XPR1: variants seen among roughly 807,000 people sequenced by gnomAD.
XPR1 encodes xenotropic and polytropic retrovirus receptor 1, also known as solute carrier family 53 member 1.
A neutral mutation model predicts 87.5 loss-of-function variants in XPR1; 28 were observed. That is an observed-to-expected ratio of 0.32 (90% CI 0.24 to 0.44). The LOEUF (loss-of-function observed/expected upper bound fraction) is 0.44. Ranked by LOEUF, XPR1 falls within the 20% of genes least tolerant of loss-of-function variation. The probability of loss-of-function intolerance (pLI) is 1.00; values close to 1 mark genes in which losing one functional copy is unlikely to be tolerated. For synonymous variants in XPR1, 300 were observed against 306.1 expected (o/e 0.98, Z 0.21); for missense variants, 559 against 862.3 (o/e 0.65, Z 4.41).
chr1:180,781,071 A>G (rs1413265407), intron 2 of XPR1, among the ~76,000 whole-genome samples: 1 of 151,836 alleles, frequency 6.6e-6, no homozygotes, highest in Non-Finnish European at 1.5e-5. Context: ...TAGCTCTTAC[A>G]TTTAGGTCTT....
chr1:180,731,622 A>G (rs1452215261), intron 2 of XPR1, among the ~76,000 whole-genome samples: 1 of 152,220 alleles, frequency 6.6e-6, no homozygotes, highest in Non-Finnish European at 1.5e-5. Context: ...CTGTGGGAGT[A>G]TTGGGCTGGT....
chr1:180,840,691 T>G (rs965407965), intron 11 of XPR1, among the ~76,000 whole-genome samples: 1 of 150,630 alleles, frequency 6.6e-6, no homozygotes, highest in Non-Finnish European at 1.5e-5. Context: ...ATCATATTGC[T>G]AAAATAAAAA....
At chr1:180,791,380 T>G (rs1350738374) in intron 3 of XPR1, among the ~76,000 whole-genome samples, 2 of 152,192 alleles carry the variant, frequency 1.3e-5, no homozygotes, top group African/African-American at 4.8e-5. Flanking sequence ...CAAGTGATCC[T>G]CCTGCCTCAG....
intron 9 of XPR1, among the ~76,000 whole-genome samples, chr1:180,834,285 G>A (rs1308861119): frequency 6.6e-6 from 1 of 152,010 alleles, no homozygotes; most frequent in Non-Finnish European, 1.5e-5. Context: ...TCACCATGTT[G>A]GCCAGGCTGG....
intron 3 of XPR1, among the ~76,000 whole-genome samples, chr1:180,797,269 TAAAC>T (rs1230188846): frequency 6.6e-6 from 1 of 152,196 alleles, no homozygotes; most frequent in Non-Finnish European, 1.5e-5. Context: ...GAAGCAAACA[TAAAC>T]AAAGAATTAT....
chr1:180,742,473 C>A (rs1032374883), intron 2 of XPR1, among the ~76,000 whole-genome samples: 12 of 152,120 alleles, frequency 7.9e-5, no homozygotes, highest in African/African-American at 2.9e-4. Context: ...AATTTTGTTA[C>A]AGTTTAGGAG....
chr1:180,739,129 GTCTC>G (rs1282260573), intron 2 of XPR1, among the ~76,000 whole-genome samples: 1 of 152,156 alleles, frequency 6.6e-6, no homozygotes, highest in Non-Finnish European at 1.5e-5. Context: ...TTAAAAAAGA[GTCTC>G]TCTCCCTTCT....
At chr1:180,827,616 A>G (rs1292614919) in intron 9 of XPR1, among the ~76,000 whole-genome samples, 1 of 152,198 alleles carries the variant, frequency 6.6e-6, no homozygotes, top group Non-Finnish European at 1.5e-5. Context: ...ACTGAAATAT[A>G]GAAGGAATAA....
chr1:180,805,835 G>T (rs1027075050), intron 4 of XPR1, among the ~76,000 whole-genome samples: 7 of 152,174 alleles, frequency 4.6e-5, no homozygotes, highest in African/African-American at 1.7e-4. Context: ...AGGGTTCATA[G>T]TTCAGGGTTT....
At chr1:180,683,649 A>T (rs1656664803) in intron 2 of XPR1, among the ~76,000 whole-genome samples, 1 of 151,958 alleles carries the variant, frequency 6.6e-6, no homozygotes, top group Non-Finnish European at 1.5e-5. Context: ...CTTTTTAATG[A>T]TCATCATTCT....
chr1:180,714,630 C>T (rs1461660849), intron 2 of XPR1, among the ~76,000 whole-genome samples: 1 of 152,120 alleles, frequency 6.6e-6, no homozygotes, highest in Non-Finnish European at 1.5e-5. Flanking sequence ...GTCTTGAACT[C>T]CTGGGCTCAA....
At chr1:180,649,842 G>A (rs896295578) in intron 1 of XPR1, among the ~76,000 whole-genome samples, 2 of 152,104 alleles carry the variant, frequency 1.3e-5, no homozygotes, top group Non-Finnish European at 1.5e-5. Context: ...GGTAGAGGTG[G>A]GAGTTGAGTG....
At chr1:180,854,315 T>C (rs1651966208) in intron 11 of XPR1, among the ~76,000 whole-genome samples, 2 of 152,260 alleles carry the variant, frequency 1.3e-5, no homozygotes, top group Admixed American at 6.5e-5. Context: ...TTGGAATTTA[T>C]CCCCAGTGGG....
At position 180,680,550 on chromosome 1, in the gene XPR1, A is replaced by G. The variant is rs529125524; in HGVS notation, c.70-1810A>G. Among the ~76,000 whole-genome samples the G allele has an allele frequency of 9.3e-4, 142 of 152,054 alleles. 1 individual carries two copies. Among genetic ancestry groups the G allele is most frequent in the African/African-American group, 3.3e-3 (138 of 41,492 alleles). The stretch of plus-strand genomic sequence containing the variant: ...CAGCTAATTTTTGTATTTTTAGTAG[A>G]GACGGGGTTTCACCATGTTGGCCAG... On this transcript the variant is annotated intron_variant, in intron 1 of 14. Coordinates refer to ENST00000367590, the MANE Select transcript of XPR1 (RefSeq NM_004736.4).
chr1:180,881,807 A>G (rs1652860343), intron 14 of XPR1, among the ~76,000 whole-genome samples: 1 of 152,208 alleles, frequency 6.6e-6, no homozygotes, highest in Non-Finnish European at 1.5e-5. Context: ...AGAGCAGGGA[A>G]CTGAGTCTTA....
chr1:180,795,488 AAT>A (rs1244337342), intron 3 of XPR1, among the ~76,000 whole-genome samples: 1 of 152,202 alleles, frequency 6.6e-6, no homozygotes, highest in African/African-American at 2.4e-5. Context: ...TTATTGGCAA[AAT>A]AGTCTGTTTT....
At chr1:180,652,434 T>C (rs532192184) in intron 1 of XPR1, among the ~76,000 whole-genome samples, 208 of 152,336 alleles carry the variant, frequency 1.4e-3, no homozygotes, top group African/African-American at 4.9e-3. Context: ...TATTTTATTA[T>C]CAGAATAGGA....
At chr1:180,679,598 C>G (rs1033187680) in intron 1 of XPR1, among the ~76,000 whole-genome samples, 2 of 152,202 alleles carry the variant, frequency 1.3e-5, no homozygotes, top group African/African-American at 4.8e-5. Context: ...TTGATAGATA[C>G]AGAGAACTAT....
At chr1:180,847,930 C>T (rs1571892091) in intron 11 of XPR1, among the ~76,000 whole-genome samples, 1 of 152,012 alleles carries the variant, frequency 6.6e-6, no homozygotes, top group South Asian at 2.1e-4. Flanking sequence ...CCATTTAAAC[C>T]GTTTGGAAAC....
Sources: gnomAD v4.1 joint callset for allele counts (sites outside exome capture counted in the v4.1 genomes callset) on GRCh38, gnomAD v4.1.1 for gene constraint, MANE v1.5 for transcripts, NCBI Gene and HGNC (gene_info 2026-07-23, HGNC 2026-07-21) for gene names.